The following PDZD2 variants were observed in gnomAD, a reference collection of about 807,000 sequenced individuals.
The protein encoded by PDZD2 is PDZ domain-containing protein 2.
PDZD2 carries 90 observed loss-of-function variants against 220.7 expected under a neutral mutation model. The observed-to-expected ratio is 0.41, with a 90% confidence interval of 0.34 to 0.49. The LOEUF is 0.49. Among genes scored for constraint, PDZD2 ranks in the 20% least tolerant of loss-of-function variants. The pLI is 0.28. For missense variants in PDZD2, 3,174 were observed against 3,608.5 expected (o/e 0.88, Z 3.08); for synonymous variants, 1,375 against 1,450.5 (o/e 0.95, Z 1.18).
At position 32,110,832 on chromosome 5, in the gene PDZD2, C is replaced by A. The variant is rs1745321965; in HGVS notation, c.*2697C>A. ...GTGCAATAATATGAAATAGCCTGTACATTTTAAAAATGTTGTCACCAAGTT... is the reference window on the plus strand; with the variant it reads ...GTGCAATAATATGAAATAGCCTGTAAATTTTAAAAATGTTGTCACCAAGTT... On this transcript the variant is annotated 3_prime_UTR_variant, in exon 25 of 25. Coordinates refer to ENST00000438447, the MANE Select transcript of PDZD2 (RefSeq NM_178140.4). 6.6e-6 allele frequency: 1 copy of A among 152,394 alleles called. No individual in the cohort carries two copies. The highest frequency in any genetic ancestry group is 2.4e-5 in the African/African-American group (1 of 41,416). 9.4% of individuals were successfully genotyped at this position (152,394 alleles called of 1,614,324 possible).
intron 2 of PDZD2, among the ~76,000 whole-genome samples, chr5:31,897,101 T>A (rs1741637328): frequency 6.6e-6 from 1 of 152,016 alleles, no homozygotes; most frequent in Non-Finnish European, 1.5e-5. Context: ...TTAAAATGTG[T>A]CTATACATCA....
intron 2 of PDZD2, among the ~76,000 whole-genome samples, chr5:31,831,043 C>T (rs577710293): frequency 1.3e-5 from 2 of 152,212 alleles, no homozygotes; most frequent in Non-Finnish European, 2.9e-5. Context: ...TAGTGCTTTT[C>T]CTTATCAGAG....
At chr5:31,974,337 T>A (rs1387925412) in intron 2 of PDZD2, among the ~76,000 whole-genome samples, 1 of 151,330 alleles carries the variant, frequency 6.6e-6, no homozygotes, top group African/African-American at 2.4e-5. Flanking sequence ...CAGAGTGAGA[T>A]CTTGTCTCAC....
chr5:31,994,417 T>C (rs1301624591), intron 3 of PDZD2, among the ~76,000 whole-genome samples: 1 of 152,152 alleles, frequency 6.6e-6, no homozygotes, highest in Non-Finnish European at 1.5e-5. Context: ...AATTCATCAA[T>C]TAATTTTTTG....
intron 1 of PDZD2, among the ~76,000 whole-genome samples, chr5:31,641,544 G>GAT (rs959717842): frequency 2.2e-5 from 3 of 137,538 alleles, no homozygotes; most frequent in African/African-American, 3.3e-5. Context: ...AGATGTGTGA[G>GAT]ATATTTTTTT....
At chr5:31,717,841 G>A (rs1561403863) in intron 1 of PDZD2, among the ~76,000 whole-genome samples, 1 of 152,234 alleles carries the variant, frequency 6.6e-6, no homozygotes, top group East Asian at 1.9e-4. Flanking sequence ...CACCCAGGGA[G>A]TCTTGCTTCA....
At chr5:32,005,277 T>A (rs1031709887) in intron 5 of PDZD2, among the ~76,000 whole-genome samples, 10 of 152,200 alleles carry the variant, frequency 6.6e-5, no homozygotes, top group Admixed American at 6.5e-4. Flanking sequence ...AAGGCATTGT[T>A]TTGGAAATAC....
intron 1 of PDZD2, among the ~76,000 whole-genome samples, chr5:31,780,977 C>T (rs1433301869): frequency 6.6e-6 from 1 of 152,232 alleles, no homozygotes; most frequent in Non-Finnish European, 1.5e-5. Flanking sequence ...CCTCATGTCT[C>T]ATTTCCCAGT....
chr5:31,649,587 A>T lies in PDZD2; in HGVS notation c.-361+10150A>T, dbSNP rs144590941. Among the ~76,000 whole-genome samples, 3 of 152,198 alleles carry T rather than the reference A, an allele frequency of 2.0e-5. No homozygotes were observed. The East Asian group carries it at 5.8e-4, about 30-fold the overall frequency. ...ACTAGTTTGTGTATCTCACATGCTG[A>T]AAATAGTTCCTATTTCTGCCTTTCC... On this transcript the variant is annotated intron_variant, in intron 1 of 24. Coordinates refer to ENST00000438447, the MANE Select transcript of PDZD2 (RefSeq NM_178140.4).
chr5:31,769,168 C>T (rs1019160192), intron 1 of PDZD2, among the ~76,000 whole-genome samples: 2 of 152,218 alleles, frequency 1.3e-5, no homozygotes, highest in Non-Finnish European at 2.9e-5. Context: ...CCAGACCCTT[C>T]AAGCCATGTG....
chr5:31,655,486 T>C (rs1039672241), intron 1 of PDZD2, among the ~76,000 whole-genome samples: 1 of 152,052 alleles, frequency 6.6e-6, no homozygotes, highest in African/African-American at 2.4e-5. Flanking sequence ...TTTTAATATA[T>C]CATATATTTT....
In PDZD2 at chr5:32,087,799, T is replaced by C; in HGVS notation, c.4351T>C (p.Ser1451Pro). 6.2e-7 allele frequency: 1 copy of C among 1,613,462 alleles called. No individual in the cohort carries two copies. The highest frequency in any genetic ancestry group is 8.5e-7 in the Non-Finnish European group (1 of 1,179,854). ...GTCTTCCCAGACGGGGGACAGTGGC[T>C]CTCAGGAGGGCAGTGCTCAGGGCCA... ...SPSSQTGDSG[S>P]QEGSAQGHPP... Residue 1451 changes from serine to proline, a missense_variant, in exon 20 of 25, where the codon TCT becomes CCT. Ser to Pro is a moderately conservative substitution (Grantham distance 74). This residue lies in a region of PDZD2 where 1,861 missense variants were observed against 2,001.0 expected (regional missense o/e 0.93). Coordinates refer to ENST00000438447, the MANE Select transcript of PDZD2 (RefSeq NM_178140.4). This position sits in a 1 kb window ranked among gnomAD's most constrained non-coding sequence, Gnocchi z 4.0.
intron 2 of PDZD2, among the ~76,000 whole-genome samples, chr5:31,903,644 C>CAA (rs59822169): frequency 0.011 from 1,143 of 99,640 alleles, 19 homozygotes; most frequent in African/African-American, 0.04. Context: ...GACCCTGTCT[C>CAA]AAAAAAAAAA....
Position 31,670,611 on chromosome 5 carries a change from C to T in PDZD2, c.-361+31174C>T, listed in dbSNP as rs371047085. On this transcript the variant is annotated intron_variant, in intron 1 of 24. Transcript: ENST00000438447. ...TTTTAAATGTATTTTTTAGTAGAGA[C>T]GGGGTTTCACCATGTTGGTCATGCT... 1.1e-4 allele frequency among the ~76,000 whole-genome samples: 16 copies of T among 151,768 alleles called. No homozygotes were observed. The East Asian group carries it at 2.3e-3, about 22-fold the overall frequency.
Position 32,052,713 on chromosome 5 carries a change from T to C in PDZD2, c.1768T>C (p.Tyr590His), listed in dbSNP as rs1370086215. The C allele has an allele frequency of 6.2e-7, 1 of 1,613,996 alleles. No homozygotes were observed. The highest frequency in any genetic ancestry group is 2.2e-5 in the East Asian group (1 of 44,898). Residue 590 changes from tyrosine to histidine, a missense_variant, in exon 9 of 25, where the codon TAC (tyrosine) becomes CAC (histidine). Coordinates refer to ENST00000438447, the MANE Select transcript of PDZD2 (RefSeq NM_178140.4). ...ATCCGTCATCTCGATCATTGGGTTG[T>C]ACAAAGAAAAAGGCAAGGTGAGCTC... ...RPSVISIIGL[Y>H]KEKGKGLGFS... is the part of the protein sequence containing the mutation.
At chr5:31,964,191 A>T (rs1297628225) in intron 2 of PDZD2, among the ~76,000 whole-genome samples, 1 of 152,226 alleles carries the variant, frequency 6.6e-6, no homozygotes, top group Admixed American at 6.5e-5. Flanking sequence ...CAGTTTAACT[A>T]GTTGACCTCT....
At position 31,995,488 on chromosome 5, in the gene PDZD2, T is replaced by G. The variant is rs139523688; in HGVS notation, c.979-88T>G. ...GATATCTGTGGACAAGTGATGGATA[T>G]TCGGCCAGACGTGACAGCTCCGTTC... is the stretch of plus-strand genomic sequence containing the variant. On this transcript the variant is annotated intron_variant, in intron 3 of 24. Transcript: ENST00000438447. 279 of 1,352,818 alleles carry G rather than the reference T, an allele frequency of 2.1e-4. 1 individual carries two copies. In the African/African-American group the frequency reaches 3.8e-3, roughly 18 times the overall value. The allele number at this position is 1,352,818 out of a possible 1,614,324, so 83.8% of individuals were successfully genotyped here.
At position 31,882,893 on chromosome 5, in the gene PDZD2, G is replaced by C. The variant is rs1740054897; in HGVS notation, c.476+83169G>C. On this transcript the variant is annotated intron_variant, in intron 2 of 24. Coordinates refer to ENST00000438447, the MANE Select transcript of PDZD2 (RefSeq NM_178140.4). Reference sequence around the variant, plus strand: ...AAAATAACAAAAGTTAGCTGAGCCTGATTGTGAGTGTCTGTAATCCCAGCT... The same window carrying C: ...AAAATAACAAAAGTTAGCTGAGCCTCATTGTGAGTGTCTGTAATCCCAGCT... 2.0e-5 allele frequency among the ~76,000 whole-genome samples: 3 copies of C among 151,912 alleles called. No individual in the cohort carries two copies. In the South Asian group the frequency reaches 6.2e-4, roughly 32 times the overall value.
In PDZD2 at chr5:31,995,701, A is replaced by T; in HGVS notation, c.1104A>T (p.Glu368Asp). The change falls in exon 4 of 25, where the codon GAA becomes GAT. Residue 368 changes from glutamate to aspartate, a missense_variant. This residue lies in a region of PDZD2 where 632 missense variants were observed against 708.1 expected (regional missense o/e 0.89). Transcript: ENST00000438447. Reference sequence around the variant, plus strand: ...CTATCGTTGTCACTCAAGTGAAGGAAGGAGGTGCCGCTCACAGGTGACTAG... The same window carrying T: ...CTATCGTTGTCACTCAAGTGAAGGATGGAGGTGCCGCTCACAGGTGACTAG... ...PHAIVVTQVK[E>D]GGAAHRDGRL... The T allele has an allele frequency of 1.9e-6, 3 of 1,613,858 alleles. No individual in the cohort carries two copies. The highest frequency in any genetic ancestry group is 2.5e-6 in the Non-Finnish European group (3 of 1,180,012).
Sources: gnomAD v4.1 joint callset for allele counts (sites outside exome capture counted in the v4.1 genomes callset) on GRCh38, gnomAD v4.1.1 for gene constraint, gnomAD v4.1.1 regional missense constraint, Gnocchi (gnomAD v3.1) non-coding constraint, MANE v1.5 for transcripts, NCBI Gene and HGNC (gene_info 2026-07-23, HGNC 2026-07-21) for gene names.